The following PDZD2 variants were observed in gnomAD, a reference collection of about 807,000 sequenced individuals.
PDZD2 encodes PDZ domain containing 2, also known as PDZ domain-containing protein 2.
In PDZD2, 90 loss-of-function variants were observed where a neutral mutation model predicts 220.7. The observed-to-expected ratio is 0.41, with a 90% confidence interval of 0.34 to 0.49. The LOEUF is 0.49. PDZD2 is among the 20% of genes least tolerant of loss of function. The pLI, the probability that PDZD2 is intolerant of heterozygous loss-of-function variation, is 0.28. For synonymous variants in PDZD2, 1,375 were observed against 1,450.5 expected (o/e 0.95, Z 1.18); for missense variants, 3,174 against 3,608.5 (o/e 0.88, Z 3.08).
At chr5:31,859,382 C>T (rs1238622726) in intron 2 of PDZD2, among the ~76,000 whole-genome samples, 1 of 152,074 alleles carries the variant, frequency 6.6e-6, no homozygotes. Flanking sequence ...CTTTCTATCT[C>T]CTTTTAAAAA....
intron 2 of PDZD2, among the ~76,000 whole-genome samples, chr5:31,938,626 T>TTGGTGTTG (rs756442026): frequency 0.41 from 62,242 of 151,882 alleles, 13,222 homozygotes; most frequent in Middle Eastern, 0.57. Context: ...TGGCTAGACT[T>TTGGTGTTG]CCACAATCTG....
chr5:31,866,654 C>A (rs1223762928), intron 2 of PDZD2, among the ~76,000 whole-genome samples: 1 of 152,214 alleles, frequency 6.6e-6, no homozygotes, highest in Non-Finnish European at 1.5e-5. Context: ...CTCATGTTGG[C>A]CATGCTGTCC....
At chr5:32,080,932 G>C (rs142938532) in intron 19 of PDZD2, among the ~76,000 whole-genome samples, 37 of 152,142 alleles carry the variant, frequency 2.4e-4, no homozygotes, top group African/African-American at 8.0e-4. Flanking sequence ...ATGGGGTGGT[G>C]GGGGGAGGGA....
intron 2 of PDZD2, among the ~76,000 whole-genome samples, chr5:31,807,694 G>GC (rs1754819987): frequency 6.6e-6 from 1 of 152,174 alleles, no homozygotes; most frequent in Non-Finnish European, 1.5e-5. Context: ...GCTGGCGGAT[G>GC]CAAGAACCGG....
At chr5:31,780,818 T>C (rs72755466) in intron 1 of PDZD2, among the ~76,000 whole-genome samples, 15,278 of 152,158 alleles carry the variant, frequency 0.1, 836 homozygotes, top group South Asian at 0.18. Context: ...AGGATTAAGC[T>C]TCATTTAGGC....
chr5:31,640,413 CTG>C (rs1744905308), intron 1 of PDZD2, among the ~76,000 whole-genome samples: 1 of 152,240 alleles, frequency 6.6e-6, no homozygotes, highest in African/African-American at 2.4e-5. Context: ...GAGTCTGAGT[CTG>C]TCCCCTGCAG....
At chr5:32,013,481 A>G (rs1228893724) in intron 6 of PDZD2, among the ~76,000 whole-genome samples, 1 of 152,114 alleles carries the variant, frequency 6.6e-6, no homozygotes, top group Admixed American at 6.5e-5. Flanking sequence ...TTACCAATTA[A>G]TCACACATTG....
At chr5:31,938,374 T>C (rs1455241974) in intron 2 of PDZD2, among the ~76,000 whole-genome samples, 1 of 152,222 alleles carries the variant, frequency 6.6e-6, no homozygotes, top group Non-Finnish European at 1.5e-5. Flanking sequence ...ATGGGTAGAT[T>C]CAGGAGTTAG....
intron 19 of PDZD2, among the ~76,000 whole-genome samples, chr5:32,079,773 T>C (rs953758066): frequency 6.6e-6 from 1 of 151,900 alleles, no homozygotes; most frequent in Admixed American, 6.6e-5. Flanking sequence ...ATCGAGCCAT[T>C]GCACTCCAGC....
chr5:31,820,519 T>C (rs542109846), intron 2 of PDZD2: 101 of 152,368 alleles, frequency 6.6e-4, no homozygotes, highest in African/African-American at 2.3e-3. Context: ...CTGTCAGTGT[T>C]AACACGGCAT....
chr5:31,940,154 T>G (rs1746092898), intron 2 of PDZD2, among the ~76,000 whole-genome samples: 1 of 152,180 alleles, frequency 6.6e-6, no homozygotes, highest in Non-Finnish European at 1.5e-5. Flanking sequence ...CCTCATGCCA[T>G]GGAGATCCCG....
In PDZD2 at chr5:32,108,947, A is replaced by C. The variant is rs944068695; in HGVS notation, c.*812A>C. ...GCTTAGAGGGAGCAGAAAGGTCAAC[A>C]TCTAAAAGCACCTTACAACTAGTTT... On this transcript the variant is annotated 3_prime_UTR_variant, in exon 25 of 25. Transcript: ENST00000438447. 11 of 152,684 alleles carry C rather than the reference A, an allele frequency of 7.2e-5. No individual in the cohort carries two copies. The highest frequency in any genetic ancestry group is 2.7e-4 in the African/African-American group (11 of 41,470). 9.5% of individuals were successfully genotyped at this position (152,684 alleles called of 1,614,324 possible).
At chr5:31,750,773 G>A (rs1392047398) in intron 1 of PDZD2, among the ~76,000 whole-genome samples, 12 of 152,308 alleles carry the variant, frequency 7.9e-5, no homozygotes, top group South Asian at 2.1e-4. Flanking sequence ...AGGGGCTGCC[G>A]GGCACTTGGC....
chr5:31,849,128 A>G (rs1211209945), intron 2 of PDZD2, among the ~76,000 whole-genome samples: 4 of 152,180 alleles, frequency 2.6e-5, no homozygotes, highest in African/African-American at 9.7e-5. Context: ...AAACCTGTGT[A>G]CAGCTTGCTT....
chr5:31,793,043 G>T (rs922437275), intron 1 of PDZD2, among the ~76,000 whole-genome samples: 3 of 151,314 alleles, frequency 2.0e-5, no homozygotes, highest in African/African-American at 7.3e-5. Context: ...TCACCATGTT[G>T]GCCAGGCTGC....
rs558286806 is a variant in PDZD2, at chr5:31,749,090, G to T, written c.-360-49799G>T. On this transcript the variant is annotated intron_variant, in intron 1 of 24. Transcript: ENST00000438447. The stretch of plus-strand genomic sequence containing the variant: ...CTTCATTAACTCTCTATTTCATGGG[G>T]GGGGGCCTTAATTTGTATTCACTTC... Among the ~76,000 whole-genome samples the T allele has an allele frequency of 2.0e-5, 3 of 152,146 alleles. No individual in the cohort carries two copies. The East Asian group carries it at 5.8e-4, about 29-fold the overall frequency.
At chr5:31,941,841 A>G (rs1215554103) in intron 2 of PDZD2, among the ~76,000 whole-genome samples, 1 of 152,252 alleles carries the variant, frequency 6.6e-6, no homozygotes, top group Non-Finnish European at 1.5e-5. Flanking sequence ...AGTAGAAGAA[A>G]CATCAGTCTT....
Position 32,052,660 on chromosome 5 carries a change from T to A in PDZD2, c.1715T>A (p.Val572Glu). The A allele has an allele frequency of 6.2e-7, 1 of 1,613,744 alleles. No homozygotes were observed. The highest frequency in any genetic ancestry group is 2.2e-5 in the East Asian group (1 of 44,890). The change falls in exon 9 of 25, where the codon GTG (valine) becomes GAG (glutamate). Residue 572 changes from valine to glutamate, a missense_variant. Val to Glu is a moderately radical substitution (Grantham distance 121). Around this residue, in one of 4 missense-constraint regions of PDZD2, gnomAD observed 50 missense variants for 109.5 expected, o/e 0.46. Coordinates refer to ENST00000438447, the MANE Select transcript of PDZD2 (RefSeq NM_178140.4). Reference sequence around the variant, plus strand: ...ACCCGCTCCTTAAGCACGACTCAGGTGGAATCTCCTTGGAGGCTCATTCGG... The same window carrying A: ...ACCCGCTCCTTAAGCACGACTCAGGAGGAATCTCCTTGGAGGCTCATTCGG... ...KSTRSLSTTQ[V>E]ESPWRLIRPS... is the part of the protein sequence containing the mutation.
At chr5:31,645,964 T>A (rs939637487) in intron 1 of PDZD2, among the ~76,000 whole-genome samples, 4 of 151,084 alleles carry the variant, frequency 2.6e-5, no homozygotes, top group African/African-American at 9.8e-5. Context: ...GGTGGGGAAC[T>A]GGGCTGCCTT....
Sources: allele counts gnomAD v4.1 joint callset (sites outside exome capture counted in the v4.1 genomes callset), GRCh38; gene constraint gnomAD v4.1.1; regional missense constraint gnomAD v4.1.1; transcripts MANE v1.5; gene names NCBI Gene and HGNC (gene_info 2026-07-23, HGNC 2026-07-21).